The following P2RX5 variants were observed in gnomAD, a reference collection of about 807,000 sequenced individuals.
P2RX5 encodes purinergic receptor P2X 5, also known as P2X purinoceptor 5.
In P2RX5, 46 loss-of-function variants were observed where a neutral mutation model predicts 54.1. The ratio of observed to expected loss-of-function variants is 0.85; its 90% CI spans 0.67 to 1.09. The LOEUF (loss-of-function observed/expected upper bound fraction) is 1.09, where lower values mean the gene tolerates loss of function less well. Among genes scored for constraint, P2RX5 ranks in the 50% least tolerant of loss-of-function variants. The pLI is 0.00. For synonymous variants in P2RX5, 226 were observed against 226.4 expected (o/e 1.00, Z 0.02); for missense variants, 566 against 549.8 (o/e 1.03, Z -0.29).
the P2RX5 span, among the ~76,000 whole-genome samples, chr17:3,701,706 A>AAAAAAAT: frequency 2.1e-4 from 30 of 139,578 alleles, no homozygotes; most frequent in East Asian, 2.3e-3. Flanking sequence ...GAAAAAAAAA[A>AAAAAAAT]AAAAAAAAAA....
At chr17:3,723,262 A>G in the P2RX5 span, 1 of 1,472,680 alleles carries the variant, frequency 6.8e-7, no homozygotes, top group Non-Finnish European at 9.5e-7. Flanking sequence ...GGATAATCAA[A>G]TCTGGAGCAT....
chr17:3,693,127 CAAAAAAAA>C (rs34356240), intron 1 of P2RX5, among the ~76,000 whole-genome samples: 1 of 101,682 alleles, frequency 9.8e-6, no homozygotes, highest in African/African-American at 4.2e-5. Context: ...AGACATTTCT[CAAAAAAAA>C]AAAAAAAAAA....
chr17:3,690,185 C>G (rs759851993), intron 5 of P2RX5, 35 bp from the exon 6 acceptor site: 11 of 1,579,798 alleles, frequency 7.0e-6, no homozygotes, highest in Non-Finnish European at 9.6e-6. Flanking sequence ...GTCCAGGAGG[C>G]CCCACCCCTG....
At chr17:3,693,913 C>T (rs961580321) in intron 1 of P2RX5, among the ~76,000 whole-genome samples, 4 of 151,346 alleles carry the variant, frequency 2.6e-5, no homozygotes, top group African/African-American at 7.3e-5. Context: ...TACATGCGCT[C>T]GCCACCACAC....
chr17:3,697,914 G>C (rs1372301579), upstream of P2RX5, among the ~76,000 whole-genome samples: 1 of 151,996 alleles, frequency 6.6e-6, no homozygotes. Flanking sequence ...CTTAGTGACT[G>C]TGTCCCATGC....
At chr17:3,723,740 GA>G in the P2RX5 span, 1 of 1,607,290 alleles carries the variant, frequency 6.2e-7, no homozygotes, top group African/African-American at 1.3e-5. Context: ...GCACACCGTG[GA>G]GGCCTGAAAC....
Position 3,691,750 on chromosome 17 carries a change from G to A in P2RX5, c.182C>T (p.Ser61Phe). 1 of 1,614,240 alleles carries A rather than the reference G, an allele frequency of 6.2e-7. No individual in the cohort carries two copies. Among genetic ancestry groups the A allele is most frequent in the Non-Finnish European group, 8.5e-7 (1 of 1,180,042 alleles). Residue 61 changes from serine (S) to phenylalanine (F), a missense_variant, in exon 2 of 12, where the codon TCC becomes TTC. Coordinates refer to ENST00000225328, the MANE Select transcript of P2RX5 (RefSeq NM_002561.4). ...IKKGYQDVDT[S>F]LQSAVITKVK... The stretch of plus-strand genomic sequence containing the variant: ...TTTGGTGATGACAGCACTCTGCAGG[G>A]AGGTGTCGACGTCTTGGTAACCCTT...
chr17:3,692,562 C>A (rs537701086), intron 1 of P2RX5, among the ~76,000 whole-genome samples: 1 of 152,290 alleles, frequency 6.6e-6, no homozygotes, highest in Admixed American at 6.5e-5. Flanking sequence ...AGAGTACAGG[C>A]CAGGCACGGT....
intron 11 of P2RX5, among the ~76,000 whole-genome samples, chr17:3,678,962 C>A (rs767370628): frequency 6.6e-6 from 1 of 152,192 alleles, no homozygotes; most frequent in Non-Finnish European, 1.5e-5. Context: ...GAGAAGCCAG[C>A]GCCCCCAGGA....
chr17:3,679,928 C>T, intron 10 of P2RX5, 144 bp from the exon 11 acceptor site: 1 of 727,852 alleles, frequency 1.4e-6, no homozygotes, highest in Non-Finnish European at 2.4e-6. Flanking sequence ...CCTGCTTCCT[C>T]CATGCGGCTC....
the P2RX5 span, among the ~76,000 whole-genome samples, chr17:3,706,949 A>G: frequency 6.6e-6 from 1 of 152,198 alleles, no homozygotes; most frequent in Admixed American, 6.5e-5. Flanking sequence ...TTCCTGTCAC[A>G]TTACAGCTAC....
chr17:3,704,028 G>A, the P2RX5 span, among the ~76,000 whole-genome samples: 1 of 152,164 alleles, frequency 6.6e-6, no homozygotes, highest in Non-Finnish European at 1.5e-5. Flanking sequence ...CTTGAACCCA[G>A]GAGGCAGAGG....
upstream of P2RX5, among the ~76,000 whole-genome samples, chr17:3,699,919 A>AAAGAAAGAAAGAAAGAAAGAAAG: frequency 1.8e-5 from 1 of 55,668 alleles, no homozygotes; most frequent in African/African-American, 5.5e-5. Flanking sequence ...GGAAGGAAGG[A>AAAGAAAGAAAGAAAGAAAGAAAG]AAGAAAGAAA....
chr17:3,711,329 C>T, the P2RX5 span, among the ~76,000 whole-genome samples: 11 of 143,942 alleles, frequency 7.6e-5, no homozygotes, highest in Non-Finnish European at 1.5e-4. Flanking sequence ...CATTCAATTA[C>T]GAGAAAAGGT....
At position 3,690,197 on chromosome 17, in the gene P2RX5, G is replaced by A. The variant is rs1455473511; in HGVS notation, c.534-47C>T. On this transcript the variant is annotated intron_variant, in intron 5 of 11. Transcript: ENST00000225328. ...CCTGTCCAGGAGGCCCCACCCCTGTGCCCCTCCCCCAGGCCTGGGCCAGTG... is the reference window on the plus strand; with the variant it reads ...CCTGTCCAGGAGGCCCCACCCCTGTACCCCTCCCCCAGGCCTGGGCCAGTG... 3.9e-6 allele frequency: 6 copies of A among 1,535,572 alleles called. 1 individual carries two copies. The South Asian group carries it at 5.6e-5, about 14-fold the overall frequency.
In P2RX5 at chr17:3,673,727, C is replaced by G. The variant is rs997937885; in HGVS notation, c.*141G>C. ...TGGAGGTCACTTTGCTCTGTGATGG[C>G]TGGTCCCTGTGATGTGGCATTGATA... On this transcript the variant is annotated 3_prime_UTR_variant, in exon 12 of 12. Transcript: ENST00000225328. The G allele has an allele frequency of 3.8e-6, 6 of 1,598,334 alleles. No individual in the cohort carries two copies. Among genetic ancestry groups the G allele is most frequent in the Non-Finnish European group, 5.1e-6 (6 of 1,173,136 alleles).
At chr17:3,704,824 T>C in the P2RX5 span, among the ~76,000 whole-genome samples, 2 of 152,172 alleles carry the variant, frequency 1.3e-5, no homozygotes, top group African/African-American at 2.4e-5. Flanking sequence ...CTGACCATCA[T>C]GGAGAAAACC....
At chr17:3,680,163 C>T (rs1478152645) in intron 10 of P2RX5, among the ~76,000 whole-genome samples, 1 of 116,740 alleles carries the variant, frequency 8.6e-6, no homozygotes, top group Non-Finnish European at 1.9e-5. Flanking sequence ...CATCCGGTGT[C>T]CTCCACCCTG....
chr17:3,676,013 C>T, intron 11 of P2RX5: 1 of 985,414 alleles, frequency 1.0e-6, no homozygotes, highest in Non-Finnish European at 1.2e-6. Context: ...TGGAGGGATG[C>T]TCTCACCACC....
Sources: allele counts gnomAD v4.1 joint callset (sites outside exome capture counted in the v4.1 genomes callset), GRCh38; gene constraint gnomAD v4.1.1; transcripts MANE v1.5; gene names NCBI Gene and HGNC (gene_info 2026-07-23, HGNC 2026-07-21).